Variants in SFMBT2 observed in about 807,000 individuals in gnomAD.
The protein encoded by SFMBT2 is scm-like with four MBT domains protein 2.
Under a neutral mutation model 110.1 loss-of-function variants are expected in SFMBT2, and 38 were observed. The ratio of observed to expected loss-of-function variants is 0.35; its 90% CI spans 0.27 to 0.45. The LOEUF (loss-of-function observed/expected upper bound fraction) is 0.45. SFMBT2 is among the 20% of genes least tolerant of loss of function. SFMBT2 has a pLI of 1.00. For synonymous variants in SFMBT2, 425 were observed against 425.4 expected (o/e 1.00, Z 0.01); for missense variants, 1,011 against 1,094.9 (o/e 0.92, Z 1.08).
At chr10:7,194,650 A>T (rs1352928874) in intron 15 of SFMBT2, among the ~76,000 whole-genome samples, 1 of 152,274 alleles carries the variant, frequency 6.6e-6, no homozygotes, top group Non-Finnish European at 1.5e-5. Context: ...GAGGAGCATT[A>T]GCGTAAATAT....
Position 7,409,121 on chromosome 10 carries a change from C to T in SFMBT2, c.-52+1740G>A, listed in dbSNP as rs967848040. Among the ~76,000 whole-genome samples, 11 of 148,666 alleles carry T rather than the reference C, an allele frequency of 7.4e-5. No homozygotes were observed. The South Asian group carries it at 2.5e-3, about 33-fold the overall frequency. On this transcript the variant is annotated intron_variant, in intron 1 of 20. Transcript: ENST00000397167. Reference sequence around the variant, plus strand: ...ACCACCACCACCACTTTGGTCTTCTCCAAGCTTCGGTCCCGGTCCCCCACC... The same window carrying T: ...ACCACCACCACCACTTTGGTCTTCTTCAAGCTTCGGTCCCGGTCCCCCACC...
At chr10:7,208,513 C>T (rs1350991610) in intron 11 of SFMBT2, among the ~76,000 whole-genome samples, 2 of 151,660 alleles carry the variant, frequency 1.3e-5, no homozygotes, top group Admixed American at 6.6e-5. Flanking sequence ...GGCAAAACCT[C>T]ATCTCTACTA....
chr10:7,349,301 A>C (rs1390927310), intron 4 of SFMBT2, among the ~76,000 whole-genome samples: 1 of 152,018 alleles, frequency 6.6e-6, no homozygotes, highest in Non-Finnish European at 1.5e-5. Context: ...AGCCCCCAGG[A>C]ATTTCATCCC....
intron 20 of SFMBT2, 174 bp from the exon 21 acceptor site, chr10:7,164,084 G>C: frequency 1.0e-6 from 1 of 985,382 alleles, no homozygotes; most frequent in Non-Finnish European, 1.2e-6. Context: ...TCTAATCTTT[G>C]TGTTACTAAA....
intron 4 of SFMBT2, among the ~76,000 whole-genome samples, chr10:7,335,329 A>G (rs990438251): frequency 1.3e-5 from 2 of 152,128 alleles, no homozygotes; most frequent in Non-Finnish European, 2.9e-5. Context: ...AAATCCAAAC[A>G]AAAACCATGA....
intron 4 of SFMBT2, among the ~76,000 whole-genome samples, chr10:7,311,633 T>C (rs1044079510): frequency 1.8e-4 from 28 of 152,252 alleles, no homozygotes; most frequent in African/African-American, 6.3e-4. Flanking sequence ...GTCAATATCC[T>C]ACTCACGTCA....
chr10:7,337,063 C>A (rs1007021819), intron 4 of SFMBT2, among the ~76,000 whole-genome samples: 2 of 152,208 alleles, frequency 1.3e-5, no homozygotes, highest in South Asian at 4.1e-4. Context: ...TGATATGATG[C>A]ACCATGACTT....
chr10:7,287,933 T>C (rs992347827), intron 4 of SFMBT2, among the ~76,000 whole-genome samples: 4 of 152,202 alleles, frequency 2.6e-5, no homozygotes, highest in African/African-American at 7.2e-5. Context: ...ATTTTGCTTA[T>C]AAGGGGTGTT....
chr10:7,295,162 T>C (rs1393509607), intron 4 of SFMBT2: 1 of 152,232 alleles, frequency 6.6e-6, no homozygotes, highest in Admixed American at 6.5e-5. Flanking sequence ...AAATCTTCCA[T>C]AGAATTATAA....
intron 7 of SFMBT2, chr10:7,249,175 C>A: frequency 2.4e-6 from 1 of 416,196 alleles, no homozygotes. Context: ...ATCCCATGAT[C>A]TTAGAGATGC....
chr10:7,383,045 T>C (rs573279794), intron 1 of SFMBT2, among the ~76,000 whole-genome samples: 78 of 152,312 alleles, frequency 5.1e-4, no homozygotes, highest in Non-Finnish European at 1.1e-3. Flanking sequence ...TCATTCAATG[T>C]TCTATGTCAC....
intron 4 of SFMBT2, among the ~76,000 whole-genome samples, chr10:7,289,597 T>C (rs1467966947): frequency 6.6e-6 from 1 of 152,202 alleles, no homozygotes; most frequent in Non-Finnish European, 1.5e-5. Context: ...TAGACGTATC[T>C]ATAAAGCCAT....
intron 2 of SFMBT2, among the ~76,000 whole-genome samples, chr10:7,373,413 C>T (rs2892430): frequency 0.79 from 120,607 of 152,108 alleles, 48,254 homozygotes; most frequent in East Asian, 1. Context: ...GTTATAGGAA[C>T]ACGAAACAGA....
intron 7 of SFMBT2, among the ~76,000 whole-genome samples, chr10:7,272,219 A>C (rs751555085): frequency 6.6e-6 from 1 of 152,184 alleles, no homozygotes; most frequent in Non-Finnish European, 1.5e-5. Context: ...CTGAAAACCC[A>C]CATTCATTTC....
intron 16 of SFMBT2, among the ~76,000 whole-genome samples, chr10:7,177,356 G>GC (rs545868255): frequency 1.7e-3 from 263 of 151,602 alleles, no homozygotes; most frequent in Admixed American, 4.0e-3. Context: ...ATCTCCCCCC[G>GC]CCCCCCGCAA....
At chr10:7,391,826 T>C (rs1020829735) in intron 1 of SFMBT2, among the ~76,000 whole-genome samples, 3 of 152,198 alleles carry the variant, frequency 2.0e-5, no homozygotes, top group Non-Finnish European at 4.4e-5. Flanking sequence ...GGAATTCCAA[T>C]CCATTTTTTC....
chr10:7,394,469 T>TTATTAG (rs1845866975), intron 1 of SFMBT2, among the ~76,000 whole-genome samples: 1 of 151,460 alleles, frequency 6.6e-6, no homozygotes, highest in African/African-American at 2.4e-5. Context: ...TTCTTCCATA[T>TTATTAG]CTGTCATTAT....
intron 16 of SFMBT2, among the ~76,000 whole-genome samples, chr10:7,185,422 T>C (rs1204162682): frequency 6.6e-6 from 1 of 152,210 alleles, no homozygotes; most frequent in Non-Finnish European, 1.5e-5. Flanking sequence ...CTGCGACAGT[T>C]CATAAGACAA....
intron 17 of SFMBT2, among the ~76,000 whole-genome samples, chr10:7,173,630 AT>A (rs1054835432): frequency 2.0e-5 from 3 of 152,228 alleles, no homozygotes; most frequent in African/African-American, 7.2e-5. Flanking sequence ...AATGTTTTTT[AT>A]AAACAAAATG....
Sources: allele counts gnomAD v4.1 joint callset (sites outside exome capture counted in the v4.1 genomes callset), GRCh38; gene constraint gnomAD v4.1.1; transcripts MANE v1.5; gene names NCBI Gene and HGNC (gene_info 2026-07-23, HGNC 2026-07-21).